Variants in RANBP10 observed in about 807,000 individuals in gnomAD.
RANBP10 encodes RAN binding protein 10.
A neutral mutation model predicts 72.8 loss-of-function variants in RANBP10; 24 were observed. That is an observed-to-expected ratio of 0.33 (90% CI 0.24 to 0.46). The LOEUF (loss-of-function observed/expected upper bound fraction) is 0.46. RANBP10 is among the 20% of genes least tolerant of loss of function. RANBP10 has a pLI of 1.00. For missense variants in RANBP10, 679 were observed against 817.5 expected, an observed-to-expected ratio of 0.83 and a Z score of 2.07; for synonymous variants, 310 against 322.3, an observed-to-expected ratio of 0.96 and a Z score of 0.41.
chr16:67,777,225 G>GA lies in RANBP10; in HGVS notation c.348-5140dup, dbSNP rs1382535028. Among the ~76,000 whole-genome samples, 45 of 147,976 alleles carry GA rather than the reference G, an allele frequency of 3.0e-4. No homozygotes were observed. The South Asian group carries it at 9.0e-3, about 30-fold the overall frequency. Reference sequence around the variant, plus strand: ...AACTCCGTCCCCCACCCAAAAAAAAGAAAAAAAATACTTAAAAGTAAATAA... The same window carrying GA: ...AACTCCGTCCCCCACCCAAAAAAAAGAAAAAAAAATACTTAAAAGTAAATAA... On this transcript the variant is annotated intron_variant, in intron 2 of 13. Coordinates refer to ENST00000317506, the MANE Select transcript of RANBP10 (RefSeq NM_020850.3).
At chr16:67,748,356 C>T (rs2054128064) in intron 3 of RANBP10, among the ~76,000 whole-genome samples, 1 of 151,222 alleles carries the variant, frequency 6.6e-6, no homozygotes, top group Non-Finnish European at 1.5e-5. Flanking sequence ...CCTGTCTCTA[C>T]CAAAAATACA....
At position 67,806,554 on chromosome 16, in the gene RANBP10, T is replaced by C. The variant is rs1440499521; in HGVS notation, c.-18A>G. ...GCCGCCATCTTGGAGGGAGCTACTA[T>C]TGTGTCACTGGGGGCGGGGAGGAGC... On this transcript the variant is annotated 5_prime_UTR_variant, in exon 1 of 14. Transcript: ENST00000317506. 5 of 1,470,498 alleles carry C rather than the reference T, an allele frequency of 3.4e-6. No individual in the cohort carries two copies. The highest frequency in any genetic ancestry group is 1.4e-5 in the African/African-American group (1 of 70,648). 91.1% of individuals were successfully genotyped at this position (1,470,498 alleles called of 1,614,324 possible).
chr16:67,783,516 G>A (rs1463261896), intron 2 of RANBP10, among the ~76,000 whole-genome samples: 1 of 152,132 alleles, frequency 6.6e-6, no homozygotes, highest in Non-Finnish European at 1.5e-5. Context: ...ACTCTAAAAG[G>A]CTGGTCTCAG....
At chr16:67,771,933 T>C in intron 3 of RANBP10, 101 bp downstream of exon 3, 1 of 1,382,812 alleles carries the variant, frequency 7.2e-7, no homozygotes, top group Non-Finnish European at 1.0e-6. Context: ...GGTAGGCAGC[T>C]AGCAAACAAA....
chr16:67,734,691 G>A (rs539516554), intron 6 of RANBP10, among the ~76,000 whole-genome samples, 167 bp downstream of exon 6: 4 of 152,076 alleles, frequency 2.6e-5, no homozygotes, highest in East Asian at 1.9e-4. Context: ...CTGTCCATCC[G>A]ACGACAGAGA....
At chr16:67,768,064 C>CA (rs555191487) in intron 3 of RANBP10, among the ~76,000 whole-genome samples, 4,780 of 89,446 alleles carry the variant, frequency 0.053, 203 homozygotes, top group African/African-American at 0.15. Context: ...GACCTTGTCT[C>CA]AAAAAAAAAA....
chr16:67,752,143 CA>C (rs1232115099), intron 3 of RANBP10, among the ~76,000 whole-genome samples: 7 of 152,208 alleles, frequency 4.6e-5, no homozygotes, highest in Non-Finnish European at 8.8e-5. Flanking sequence ...ATAAGACCCC[CA>C]CCCCAAAGAT....
At chr16:67,805,395 ATCAGGG>A (rs1567721997) in intron 2 of RANBP10, 27 bp downstream of exon 2, 1 of 1,579,676 alleles carries the variant, frequency 6.3e-7, no homozygotes, top group Admixed American at 1.7e-5. Flanking sequence ...CAGCTCCATG[ATCAGGG>A]AAAGAGGGTG....
chr16:67,771,592 A>C (rs1286159956), intron 3 of RANBP10, among the ~76,000 whole-genome samples: 2 of 152,042 alleles, frequency 1.3e-5, no homozygotes, highest in African/African-American at 2.4e-5. Context: ...TGATCCATCC[A>C]CCTCGGCCTC....
intron 2 of RANBP10, among the ~76,000 whole-genome samples, chr16:67,792,061 A>AT (rs1208630657): frequency 6.6e-6 from 1 of 151,090 alleles, no homozygotes. Flanking sequence ...AAAAAAAAAA[A>AT]GTAAATAAAT....
In RANBP10 at chr16:67,805,408, G is replaced by C. The variant is rs763537472; in HGVS notation, c.347+20C>G. ...ATCAGCTCCATGATCAGGGAAAGAGGGTGGTCATGAAGGGCTTACCCATCT... is the reference window on the plus strand; with the variant it reads ...ATCAGCTCCATGATCAGGGAAAGAGCGTGGTCATGAAGGGCTTACCCATCT... On this transcript the variant is annotated intron_variant, in intron 2 of 13. Transcript: ENST00000317506. 3.4e-5 allele frequency: 54 copies of C among 1,590,142 alleles called. No individual in the cohort carries two copies. The Admixed American group carries it at 9.0e-4, about 27-fold the overall frequency.
chr16:67,788,564 T>C (rs1335178492), intron 2 of RANBP10, among the ~76,000 whole-genome samples: 1 of 151,588 alleles, frequency 6.6e-6, no homozygotes, highest in African/African-American at 2.4e-5. Flanking sequence ...CCCTTTTTTT[T>C]GTATTTTTAG....
At chr16:67,799,105 T>C (rs1274665022) in intron 2 of RANBP10, among the ~76,000 whole-genome samples, 9 of 151,564 alleles carry the variant, frequency 5.9e-5, no homozygotes, top group Admixed American at 3.3e-4. Context: ...CTGGCTAATT[T>C]TTGTATTTTT....
chr16:67,759,166 C>T (rs1035781542), intron 3 of RANBP10, among the ~76,000 whole-genome samples: 2 of 152,270 alleles, frequency 1.3e-5, no homozygotes, highest in African/African-American at 4.8e-5. Flanking sequence ...CCTGGAAAAC[C>T]TGTTGCTGCT....
chr16:67,784,175 C>A (rs1368577383), intron 2 of RANBP10, among the ~76,000 whole-genome samples: 1 of 151,968 alleles, frequency 6.6e-6, no homozygotes, highest in Non-Finnish European at 1.5e-5. Flanking sequence ...GGATTATATA[C>A]CACAACCTAA....
chr16:67,729,187 G>A lies in RANBP10; in HGVS notation c.1352+93C>T. On this transcript the variant is annotated intron_variant, in intron 10 of 13. Transcript: ENST00000317506. The surrounding 1 kb of genome is among the most constrained non-coding windows in gnomAD (Gnocchi z 7.1). The stretch of plus-strand genomic sequence containing the variant: ...AGGCACAGACCTGAGATGGAGGCTG[G>A]GGGTGAAGGGCAGGGCGCTCAAAGG... The A allele has an allele frequency of 6.5e-7, 1 of 1,545,704 alleles. No homozygotes were observed. The highest frequency in any genetic ancestry group is 2.3e-5 in the East Asian group (1 of 44,290).
At chr16:67,774,723 T>C (rs1248204393) in intron 2 of RANBP10, among the ~76,000 whole-genome samples, 2 of 151,968 alleles carry the variant, frequency 1.3e-5, no homozygotes, top group Non-Finnish European at 2.9e-5. Context: ...TGAGTCAGGG[T>C]TCAAGGCGAA....
At chr16:67,768,703 G>A (rs778962405) in intron 3 of RANBP10, among the ~76,000 whole-genome samples, 1 of 152,066 alleles carries the variant, frequency 6.6e-6, no homozygotes, top group African/African-American at 2.4e-5. Context: ...GCAACAAAGT[G>A]AGACCCTGTC....
In RANBP10 at chr16:67,731,525, C is replaced by T. The variant is rs759834361; in HGVS notation, c.836G>A (p.Arg279Gln). The part of the protein sequence containing the change: ...GYCATATAFA[R>Q]MTETPIQEEQ... The stretch of plus-strand genomic sequence containing the variant: ...TTCCTGAATCGGGGTTTCAGTCATT[C>T]GAGCAAAAGCCGTGGCTGTGGCACA... The change falls in exon 7 of 14, where the codon CGA becomes CAA. Residue 279 changes from arginine to glutamine, a missense_variant. Transcript: ENST00000317506. The T allele has an allele frequency of 1.2e-5, 20 of 1,614,016 alleles. 1 individual carries two copies. The highest frequency in any genetic ancestry group is 1.2e-4 in the South Asian group (11 of 91,080).
Sources: gnomAD v4.1 joint callset for allele counts (sites outside exome capture counted in the v4.1 genomes callset) on GRCh38, gnomAD v4.1.1 for gene constraint, Gnocchi (gnomAD v3.1) non-coding constraint, MANE v1.5 for transcripts, NCBI Gene and HGNC (gene_info 2026-07-23, HGNC 2026-07-21) for gene names.